Variants in PRKN observed in about 807,000 individuals in gnomAD.
PRKN encodes the protein E3 ubiquitin-protein ligase parkin.
PRKN carries 56 observed loss-of-function variants against 59.5 expected under a neutral mutation model. The observed-to-expected ratio is 0.94, with a 90% confidence interval of 0.76 to 1.18. The LOEUF (loss-of-function observed/expected upper bound fraction) is 1.18, where lower values mean the gene tolerates loss of function less well. PRKN is among the 50% of genes most tolerant of loss of function. The pLI, the probability that PRKN is intolerant of heterozygous loss-of-function variation, is 0.00. For missense variants in PRKN, 657 were observed against 596.4 expected, an observed-to-expected ratio of 1.10 and a Z score of -1.06; for synonymous variants, 250 against 222.1, an observed-to-expected ratio of 1.13 and a Z score of -1.12.
rs1780636886 is a variant in PRKN, at chr6:161,566,204, T to G, written c.933+3151A>C. Among the ~76,000 whole-genome samples the G allele has an allele frequency of 1.3e-5, 2 of 152,224 alleles. No individual in the cohort carries two copies. The highest frequency in any genetic ancestry group is 2.9e-5 in the Non-Finnish European group (2 of 68,042). On this transcript the variant is annotated intron_variant, in intron 8 of 11. Coordinates refer to ENST00000366898, the MANE Select transcript of PRKN (RefSeq NM_004562.3). The surrounding 1 kb of genome is among the most constrained non-coding windows in gnomAD (Gnocchi z 4.1). ...CCCACTCTTTGGTTCACCTCTCACA[T>G]GAATCCATTCGAGGCAGGCTTTCCC...
chr6:162,196,131 C>G (rs933273077), intron 4 of PRKN, among the ~76,000 whole-genome samples: 2 of 152,154 alleles, frequency 1.3e-5, no homozygotes, highest in East Asian at 1.9e-4. Context: ...TAGCAAGGGA[C>G]AGGACTCCTC....
rs533851264 is a variant in PRKN at position 161,893,601 on chromosome 6, A to G, written c.734+79701T>C. On this transcript the variant is annotated intron_variant, in intron 6 of 11. Transcript: ENST00000366898. ...TCATCTTTTCTGAGCCTCAGTTTCTACATGTAAAATATGGACCAGTCAGTA... is the reference window on the plus strand; with the variant it reads ...TCATCTTTTCTGAGCCTCAGTTTCTGCATGTAAAATATGGACCAGTCAGTA... Among the ~76,000 whole-genome samples the G allele has an allele frequency of 2.6e-5, 4 of 152,314 alleles. No individual in the cohort carries two copies. In the South Asian group the frequency reaches 6.2e-4, roughly 24 times the overall value.
chr6:161,973,924 C>T (rs902690953), intron 5 of PRKN, among the ~76,000 whole-genome samples: 2 of 152,246 alleles, frequency 1.3e-5, no homozygotes, highest in East Asian at 1.9e-4. Context: ...TTGAGAGAGC[C>T]CTACTGTAAA....
intron 1 of PRKN, among the ~76,000 whole-genome samples, chr6:162,520,342 T>C (rs549315365): frequency 6.6e-6 from 1 of 152,328 alleles, no homozygotes; most frequent in East Asian, 1.9e-4. Context: ...TAATGAACTC[T>C]AAGCATTGTA....
intron 6 of PRKN, among the ~76,000 whole-genome samples, chr6:161,838,780 G>A (rs1461481995): frequency 2.0e-5 from 3 of 152,204 alleles, no homozygotes; most frequent in Non-Finnish European, 4.4e-5. Context: ...GCACAAACAC[G>A]GCTCTTGCAG....
In PRKN at chr6:161,526,564, AAT is replaced by A. The variant is rs1048382645; in HGVS notation, c.1083+22288_1083+22289del. Among the ~76,000 whole-genome samples, 2 of 149,180 alleles carry A rather than the reference AAT, an allele frequency of 1.3e-5. No individual in the cohort carries two copies. Among genetic ancestry groups the A allele is most frequent in the Non-Finnish European group, 3.0e-5 (2 of 67,364 alleles). ...ATCTTAAATAAAATAGAAATATTAA[AAT>A]ATATATATAAATATAAGTAATATAA... On this transcript the variant is annotated intron_variant, in intron 9 of 11. Transcript: ENST00000366898. The surrounding 1 kb of genome is among the most constrained non-coding windows in gnomAD (Gnocchi z 4.1).
At chr6:162,175,727 G>A (rs1193771099) in intron 4 of PRKN, among the ~76,000 whole-genome samples, 2 of 152,086 alleles carry the variant, frequency 1.3e-5, no homozygotes, top group East Asian at 1.9e-4. Context: ...ACTGGTCCAC[G>A]GGACATACTG....
At chr6:162,502,506 G>T (rs949769215) in intron 1 of PRKN, among the ~76,000 whole-genome samples, 2 of 152,070 alleles carry the variant, frequency 1.3e-5, no homozygotes, top group African/African-American at 4.8e-5. Flanking sequence ...CTTCACTAAA[G>T]GGCAGCATTA....
At chr6:162,659,149 C>T (rs1243776431) in intron 1 of PRKN, among the ~76,000 whole-genome samples, 1 of 152,144 alleles carries the variant, frequency 6.6e-6, no homozygotes, top group Admixed American at 6.5e-5. Flanking sequence ...TTCTTAGTTA[C>T]ATGAATTCAA....
At chr6:161,720,442 C>G (rs1460797992) in intron 7 of PRKN, among the ~76,000 whole-genome samples, 1 of 152,118 alleles carries the variant, frequency 6.6e-6, no homozygotes. Context: ...ACTGCAGGGT[C>G]TGCTCTGGAA....
Position 161,371,741 on chromosome 6 carries a change from C to T in PRKN, c.1168-11536G>A, listed in dbSNP as rs1453926807. 6.6e-6 allele frequency among the ~76,000 whole-genome samples: 1 copy of T among 152,174 alleles called. No individual in the cohort carries two copies. Among genetic ancestry groups the T allele is most frequent in the African/African-American group, 2.4e-5 (1 of 41,450 alleles). The stretch of plus-strand genomic sequence containing the variant: ...ACAACCTCCACCTCCTGGGTTCAAG[C>T]GATTCTCATGCCTCAGCCTCCTGAG... On this transcript the variant is annotated intron_variant, in intron 10 of 11. Transcript: ENST00000366898. The surrounding 1 kb of genome is among the most constrained non-coding windows in gnomAD (Gnocchi z 5.5).
chr6:161,535,490 G>A (rs925916733), intron 9 of PRKN, among the ~76,000 whole-genome samples: 2 of 152,192 alleles, frequency 1.3e-5, no homozygotes, highest in African/African-American at 4.8e-5. Context: ...CACCAGATGA[G>A]GCAGAGGCTG....
intron 6 of PRKN, among the ~76,000 whole-genome samples, chr6:161,803,929 A>G (rs898459160): frequency 1.3e-5 from 2 of 152,228 alleles, no homozygotes; most frequent in African/African-American, 4.8e-5. Context: ...AAGGAATGAA[A>G]GAAGATGGAA....
At chr6:161,862,479 A>G (rs926469839) in intron 6 of PRKN, among the ~76,000 whole-genome samples, 2 of 152,184 alleles carry the variant, frequency 1.3e-5, no homozygotes, top group Non-Finnish European at 2.9e-5. Flanking sequence ...TACAGAAATA[A>G]ATGAATGAAT....
At chr6:162,094,237 T>A (rs1779633334) in intron 4 of PRKN, among the ~76,000 whole-genome samples, 1 of 152,022 alleles carries the variant, frequency 6.6e-6, no homozygotes, top group Non-Finnish European at 1.5e-5. Flanking sequence ...TGCCTATAAG[T>A]CCAACACGTT....
At chr6:161,687,963 AGTTTT>A (rs1785629730) in intron 7 of PRKN, among the ~76,000 whole-genome samples, 2 of 152,108 alleles carry the variant, frequency 1.3e-5, no homozygotes, top group South Asian at 2.1e-4. Flanking sequence ...CTACCTCTTT[AGTTTT>A]GTTTTTTTCT....
chr6:162,465,499 A>G (rs74935660), intron 1 of PRKN, among the ~76,000 whole-genome samples: 13,164 of 152,206 alleles, frequency 0.086, 1,327 homozygotes, highest in African/African-American at 0.24. Flanking sequence ...TTGATCAAAG[A>G]AATGAAATTC....
intron 6 of PRKN, among the ~76,000 whole-genome samples, chr6:161,955,873 A>C (rs2128247089): frequency 6.6e-6 from 1 of 152,244 alleles, no homozygotes. Context: ...TAAATAAATA[A>C]AATTTCCTTG....
chr6:162,195,656 T>C (rs537066910), intron 4 of PRKN, among the ~76,000 whole-genome samples: 1 of 152,280 alleles, frequency 6.6e-6, no homozygotes, highest in African/African-American at 2.4e-5. Context: ...GTGGCAAAGA[T>C]AAAGTTCTTT....
Sources: gnomAD v4.1 joint callset for allele counts (sites outside exome capture counted in the v4.1 genomes callset) on GRCh38, gnomAD v4.1.1 for gene constraint, Gnocchi (gnomAD v3.1) non-coding constraint, MANE v1.5 for transcripts, NCBI Gene and HGNC (gene_info 2026-07-23, HGNC 2026-07-21) for gene names.